CNBD1: variants seen among roughly 807,000 people sequenced by gnomAD.
The protein encoded by CNBD1 is cyclic nucleotide binding domain containing 1.
A neutral mutation model predicts 54.4 loss-of-function variants in CNBD1; 71 were observed. That is an observed-to-expected ratio of 1.30 (90% confidence interval 1.08 to 1.59). The LOEUF is 1.59. CNBD1 is among the 40% of genes most tolerant of loss of function. The pLI, the probability that CNBD1 is intolerant of heterozygous loss-of-function variation, is 0.00. For missense variants in CNBD1, 659 were observed against 518.0 expected, an observed-to-expected ratio of 1.27 and a Z score of -2.64; for synonymous variants, 182 against 170.7, an observed-to-expected ratio of 1.07 and a Z score of -0.51.
chr8:87,252,285 A>G (rs1375015044), intron 6 of CNBD1, among the ~76,000 whole-genome samples: 2 of 152,170 alleles, frequency 1.3e-5, no homozygotes, highest in Admixed American at 6.6e-5. Flanking sequence ...AGTATATAAA[A>G]TTTGTTGACA....
At chr8:87,404,784 A>G (rs1807625725) in intron 2 of CNBD1, among the ~76,000 whole-genome samples, 2 of 152,096 alleles carry the variant, frequency 1.3e-5, no homozygotes, top group Non-Finnish European at 2.9e-5. Flanking sequence ...TACTATCCAG[A>G]TCTTCTGCTA....
At chr8:87,393,052 T>G (rs2130971104) in intron 2 of CNBD1, among the ~76,000 whole-genome samples, 1 of 152,022 alleles carries the variant, frequency 6.6e-6, no homozygotes, top group Middle Eastern at 3.4e-3. Context: ...CTCCTAAGGC[T>G]TAGGACAGAG....
chr8:87,368,914 G>T (rs920297205), intron 10 of CNBD1, among the ~76,000 whole-genome samples: 1 of 151,812 alleles, frequency 6.6e-6, no homozygotes, highest in Non-Finnish European at 1.5e-5. Context: ...GTCAGATTCG[G>T]CTTCCCTCCC....
intron 4 of CNBD1, among the ~76,000 whole-genome samples, chr8:86,969,415 A>G (rs1462368493): frequency 6.6e-6 from 1 of 152,128 alleles, no homozygotes; most frequent in African/African-American, 2.4e-5. Flanking sequence ...ACCTTCTTTG[A>G]AAACCACTAC....
At chr8:86,993,783 C>A (rs1415530639) in intron 4 of CNBD1, among the ~76,000 whole-genome samples, 1 of 152,162 alleles carries the variant, frequency 6.6e-6, no homozygotes, top group Non-Finnish European at 1.5e-5. Flanking sequence ...AGAGTAGTGA[C>A]CAGCAGATAG....
At chr8:87,350,208 C>T (rs940684898) in intron 8 of CNBD1, among the ~76,000 whole-genome samples, 4 of 151,954 alleles carry the variant, frequency 2.6e-5, no homozygotes, top group Admixed American at 1.3e-4. Flanking sequence ...TCTACGCATA[C>T]GTTATACTTT....
At chr8:87,020,223 T>G (rs1273418867) in intron 4 of CNBD1, among the ~76,000 whole-genome samples, 1 of 152,100 alleles carries the variant, frequency 6.6e-6, no homozygotes, top group Non-Finnish European at 1.5e-5. Context: ...ATCTAGGATT[T>G]TTTTTTTAAA....
intron 4 of CNBD1, among the ~76,000 whole-genome samples, chr8:86,970,742 T>A (rs1392454446): frequency 6.6e-6 from 1 of 152,188 alleles, no homozygotes; most frequent in African/African-American, 2.4e-5. Context: ...TCACTTAGAA[T>A]TTATGACCTC....
In CNBD1 at chr8:87,382,795, G is replaced by A. The variant is rs1415031596; in HGVS notation, c.*168G>A. On this transcript the variant is annotated 3_prime_UTR_variant, in exon 11 of 11. Transcript: ENST00000518476. ...ACTTTCGAATTGCCTTTCAAACACA[G>A]TTTTTATTAGCAGTCTTTCTTGGTT... is the stretch of plus-strand genomic sequence containing the variant. 6.7e-6 allele frequency: 3 copies of A among 447,810 alleles called. No individual in the cohort carries two copies. The highest frequency in any genetic ancestry group is 2.0e-5 in the African/African-American group (1 of 50,512). 27.7% of individuals were successfully genotyped at this position (447,810 alleles called of 1,614,324 possible).
At chr8:86,936,742 C>CA (rs35376017) in intron 3 of CNBD1, among the ~76,000 whole-genome samples, 5,714 of 100,682 alleles carry the variant, frequency 0.057, 265 homozygotes, top group Admixed American at 0.14. Flanking sequence ...GACTCCATCT[C>CA]AAAAAAAAAA....
intron 2 of CNBD1, among the ~76,000 whole-genome samples, chr8:87,426,483 A>G (rs989627528): frequency 3.3e-5 from 5 of 152,218 alleles, no homozygotes. Flanking sequence ...TAAAATTGAG[A>G]GAAATTCTGC....
intron 4 of CNBD1, among the ~76,000 whole-genome samples, chr8:87,102,006 A>C (rs1811437450): frequency 1.3e-5 from 2 of 151,132 alleles, no homozygotes; most frequent in Non-Finnish European, 2.9e-5. Context: ...CTCCTGCCTC[A>C]GCCTCTTGAG....
At chr8:87,270,966 T>G (rs1190828624) in intron 6 of CNBD1, among the ~76,000 whole-genome samples, 5 of 151,848 alleles carry the variant, frequency 3.3e-5, no homozygotes, top group Non-Finnish European at 5.9e-5. Context: ...ATTTGTTTGT[T>G]GAGATTTTCT....
chr8:87,043,930 C>A (rs1323987741), intron 4 of CNBD1, among the ~76,000 whole-genome samples: 1 of 152,226 alleles, frequency 6.6e-6, no homozygotes, highest in Non-Finnish European at 1.5e-5. Flanking sequence ...AGGCTTTCCC[C>A]TTCCTCTCTG....
intron 4 of CNBD1, among the ~76,000 whole-genome samples, chr8:86,945,570 A>G (rs569704090): frequency 6.6e-6 from 1 of 152,196 alleles, no homozygotes; most frequent in Admixed American, 6.5e-5. Flanking sequence ...TTGTGGGGCT[A>G]TTAATTTGTG....
chr8:87,399,010 T>A (rs1811455627), intron 2 of CNBD1, among the ~76,000 whole-genome samples: 2 of 151,932 alleles, frequency 1.3e-5, no homozygotes, highest in Admixed American at 6.6e-5. Context: ...ATCAAGGAGA[T>A]CCCCTCCCTA....
chr8:87,351,911 C>T (rs530362459), intron 9 of CNBD1, 117 bp downstream of exon 9: 5 of 1,083,846 alleles, frequency 4.6e-6, no homozygotes, highest in African/African-American at 3.3e-5. Flanking sequence ...AATTTCTATT[C>T]AATTTTTTGA....
chr8:87,263,271 T>A (rs1808178879), intron 6 of CNBD1, among the ~76,000 whole-genome samples: 1 of 152,214 alleles, frequency 6.6e-6, no homozygotes, highest in Non-Finnish European at 1.5e-5. Context: ...CCATGCATAT[T>A]TGTATATAAT....
chr8:87,373,684 A>G (rs987595351), intron 10 of CNBD1, among the ~76,000 whole-genome samples: 6 of 151,858 alleles, frequency 4.0e-5, no homozygotes, highest in African/African-American at 1.4e-4. Context: ...GGAATTGCCA[A>G]TTCAGGCCAA....
Sources: gnomAD v4.1 joint callset for allele counts (sites outside exome capture counted in the v4.1 genomes callset) on GRCh38, gnomAD v4.1.1 for gene constraint, MANE v1.5 for transcripts, NCBI Gene and HGNC (gene_info 2026-07-23, HGNC 2026-07-21) for gene names.